Variants in TPX2 observed in about 807,000 individuals in gnomAD.
TPX2 encodes the protein targeting protein for Xklp2.
TPX2 carries 21 observed loss-of-function variants against 93.6 expected under a neutral mutation model. The observed-to-expected ratio is 0.22, with a 90% CI of 0.16 to 0.32. The LOEUF (loss-of-function observed/expected upper bound fraction) is 0.32. Ranked by LOEUF, TPX2 falls within the 10% of genes least tolerant of loss-of-function variation. The pLI is 1.00. For synonymous variants in TPX2, 281 were observed against 298.3 expected, an observed-to-expected ratio of 0.94 and a Z score of 0.60; for missense variants, 776 against 871.1, an observed-to-expected ratio of 0.89 and a Z score of 1.37.
At chr20:31,761,214 T>C (rs1346396175) in intron 4 of TPX2, among the ~76,000 whole-genome samples, 2 of 150,204 alleles carry the variant, frequency 1.3e-5, no homozygotes, top group Non-Finnish European at 3.0e-5. Context: ...TTTTTTTTTT[T>C]TTTTGAGACT....
intron 2 of TPX2, among the ~76,000 whole-genome samples, chr20:31,754,590 G>T (rs1285775779): frequency 6.6e-6 from 1 of 152,192 alleles, no homozygotes; most frequent in African/African-American, 2.4e-5. Flanking sequence ...ATGTAAGTGG[G>T]TGTTTTTTTC....
At chr20:31,785,729 C>T (rs2062062061) in intron 12 of TPX2, among the ~76,000 whole-genome samples, 1 of 152,080 alleles carries the variant, frequency 6.6e-6, no homozygotes, top group African/African-American at 2.4e-5. Context: ...AACTCCTGAC[C>T]TCAGGTGATC....
intron 4 of TPX2, among the ~76,000 whole-genome samples, chr20:31,760,763 G>T (rs1456095360): frequency 6.6e-6 from 1 of 152,172 alleles, no homozygotes; most frequent in Non-Finnish European, 1.5e-5. Context: ...CAGCAAGAAA[G>T]AAGACTGTAC....
Position 31,770,379 on chromosome 20 carries a change from A to G in TPX2, c.393A>G (p.Glu131=). The change falls in exon 6 of 18, where the codon GAA becomes GAG. Residue 131 remains glutamate, a synonymous_variant. Transcript: ENST00000300403. Reference sequence around the variant, plus strand: ...GGCTTTCTGCTCAGAAGGATTTGGAACAGAAAGAAAAGCATCATGTAAAAA... The same window carrying G: ...GGCTTTCTGCTCAGAAGGATTTGGAGCAGAAAGAAAAGCATCATGTAAAAA... The part of the protein sequence containing the change: ...SLRLSAQKDL[E]QKEKHHVKMK... The G allele has an allele frequency of 6.2e-7, 1 of 1,605,784 alleles. No individual in the cohort carries two copies. Among genetic ancestry groups the G allele is most frequent in the East Asian group, 2.2e-5 (1 of 44,486 alleles).
chr20:31,745,988 A>G (rs965768016), intron 2 of TPX2, among the ~76,000 whole-genome samples: 2 of 152,238 alleles, frequency 1.3e-5, no homozygotes, highest in Admixed American at 1.3e-4. Flanking sequence ...AAAAAGGGCA[A>G]TATGAAACAT....
chr20:31,746,550 TGA>T (rs1458783407), intron 2 of TPX2, among the ~76,000 whole-genome samples: 1 of 152,230 alleles, frequency 6.6e-6, no homozygotes, highest in African/African-American at 2.4e-5. Flanking sequence ...GTTTAACTCA[TGA>T]CTTTCTCTTT....
intron 12 of TPX2, 106 bp from the exon 13 acceptor site, chr20:31,792,629 A>T: frequency 9.2e-7 from 1 of 1,085,658 alleles, no homozygotes; most frequent in Non-Finnish European, 1.4e-6. Flanking sequence ...TGGGCAACAT[A>T]GTGAGACCCT....
intron 12 of TPX2, among the ~76,000 whole-genome samples, chr20:31,790,420 T>G (rs1285759836): frequency 6.6e-6 from 1 of 152,226 alleles, no homozygotes; most frequent in African/African-American, 2.4e-5. Flanking sequence ...AATCTTCACG[T>G]GTATTTTAAA....
At chr20:31,763,085 G>A (rs1168121340) in intron 4 of TPX2, among the ~76,000 whole-genome samples, 2 of 152,136 alleles carry the variant, frequency 1.3e-5, no homozygotes, top group African/African-American at 4.8e-5. Flanking sequence ...GCTTTGTAAT[G>A]TATTTTGAAG....
chr20:31,764,978 A>T (rs2061915539), intron 4 of TPX2, among the ~76,000 whole-genome samples: 1 of 149,396 alleles, frequency 6.7e-6, no homozygotes, highest in Admixed American at 6.7e-5. Context: ...TTTTGCAGAC[A>T]GGGTCTCAGT....
At chr20:31,750,245 C>G (rs905650268) in intron 2 of TPX2, among the ~76,000 whole-genome samples, 8 of 152,074 alleles carry the variant, frequency 5.3e-5, no homozygotes, top group African/African-American at 1.7e-4. Context: ...GCAACCTCCA[C>G]CCCCCAGGTT....
rs34482966 is a variant in TPX2, at chr20:31,797,464, G to A, written c.1894G>A (p.Val632Ile). 3,369 of 1,614,044 alleles carry A rather than the reference G, an allele frequency of 2.1e-3. 1 individual carries two copies. Among genetic ancestry groups the A allele is most frequent in the Non-Finnish European group, 2.6e-3 (3,075 of 1,179,972 alleles). The change falls in exon 16 of 18, where the codon GTC becomes ATC. Residue 632 changes from valine (V) to isoleucine (I), a missense_variant. By Grantham distance (29) the Val-to-Ile change is conservative. Around this residue, in one of 3 missense-constraint regions of TPX2, gnomAD observed 461 missense variants for 551.2 expected, o/e 0.84. Coordinates refer to ENST00000300403, the MANE Select transcript of TPX2 (RefSeq NM_012112.5). ...AACFKARPNT[V>I]ISQEPFVPKK... ...TTGTTTCAAGGCTCGTCCAAACACCGTCATCTCTCAGGAGCCCTTTGTTCC... is the reference window on the plus strand; with the variant it reads ...TTGTTTCAAGGCTCGTCCAAACACCATCATCTCTCAGGAGCCCTTTGTTCC...
intron 12 of TPX2, among the ~76,000 whole-genome samples, chr20:31,788,126 G>A (rs2062078307): frequency 6.6e-6 from 1 of 152,044 alleles, no homozygotes; most frequent in Non-Finnish European, 1.5e-5. Context: ...ATTTATAAGA[G>A]AGTAAGTCGG....
intron 2 of TPX2, 119 bp from the exon 3 acceptor site, chr20:31,757,288 A>G: frequency 1.7e-6 from 1 of 574,770 alleles, no homozygotes; most frequent in Non-Finnish European, 3.1e-6. Flanking sequence ...GGTTGATTGG[A>G]CAAAGTAAGG....
At chr20:31,783,347 T>A (rs1264511312) in intron 11 of TPX2, among the ~76,000 whole-genome samples, 1 of 151,982 alleles carries the variant, frequency 6.6e-6, no homozygotes, top group Non-Finnish European at 1.5e-5. Flanking sequence ...GCCTCCTGGG[T>A]TCAAGAGATT....
In TPX2 at chr20:31,755,172, TCTC is replaced by T. The variant is rs568681419; in HGVS notation, c.-70-2232_-70-2230del. The stretch of plus-strand genomic sequence containing the variant: ...ACCATTTTAGCCATGATGGTTTTGA[TCTC>T]CTGACCTCGTGATCCACCCGCCTTG... On this transcript the variant is annotated intron_variant, in intron 2 of 17. Transcript: ENST00000300403. Among the ~76,000 whole-genome samples, 12 of 152,192 alleles carry T rather than the reference TCTC, an allele frequency of 7.9e-5. No individual in the cohort carries two copies. The South Asian group carries it at 2.3e-3, about 29-fold the overall frequency.
rs939883794 is a variant in TPX2 at position 31,794,907 on chromosome 20, G to A, written c.1833+359G>A. Among the ~76,000 whole-genome samples the A allele has an allele frequency of 5.9e-4, 89 of 151,714 alleles. 1 individual carries two copies. Among genetic ancestry groups the A allele is most frequent in the Admixed American group, 2.8e-3 (42 of 15,220 alleles). On this transcript the variant is annotated intron_variant, in intron 15 of 17. Coordinates refer to ENST00000300403, the MANE Select transcript of TPX2 (RefSeq NM_012112.5). ...ACAATCTCGGCTCACTGCAAGCTCCGCCTCCTGGGTTCACGCCAGTCTCCT... is the reference window on the plus strand; with the variant it reads ...ACAATCTCGGCTCACTGCAAGCTCCACCTCCTGGGTTCACGCCAGTCTCCT...
intron 13 of TPX2, among the ~76,000 whole-genome samples, 165 bp downstream of exon 13, chr20:31,792,995 A>G (rs542848293): frequency 6.6e-6 from 1 of 152,322 alleles, no homozygotes; most frequent in South Asian, 2.1e-4. Context: ...TCCTCCAAGA[A>G]CAAAGTAATT....
intron 10 of TPX2, chr20:31,780,794 C>T (rs752846062): frequency 1.2e-5 from 3 of 256,374 alleles, no homozygotes; most frequent in Non-Finnish European, 2.3e-5. Context: ...GATGCTTTAA[C>T]ATAGTTTTTA....
Sources: allele counts gnomAD v4.1 joint callset (sites outside exome capture counted in the v4.1 genomes callset), GRCh38; gene constraint gnomAD v4.1.1; regional missense constraint gnomAD v4.1.1; transcripts MANE v1.5; gene names NCBI Gene and HGNC (gene_info 2026-07-23, HGNC 2026-07-21).